The following NOTCH2 variants were observed in gnomAD, a reference collection of about 807,000 sequenced individuals.
NOTCH2 encodes the protein notch receptor 2.
NOTCH2 carries 29 observed loss-of-function variants against 235.8 expected under a neutral mutation model. The ratio of observed to expected loss-of-function variants is 0.12; its 90% CI spans 0.09 to 0.17. The LOEUF (loss-of-function observed/expected upper bound fraction) is 0.17, where lower values mean the gene tolerates loss of function less well. Among genes scored for constraint, NOTCH2 ranks in the 10% least tolerant of loss-of-function variants. NOTCH2 has a pLI of 1.00. For synonymous variants in NOTCH2, 1,086 were observed against 1,141.5 expected (o/e 0.95, Z 0.98); for missense variants, 2,285 against 3,150.2 (o/e 0.73, Z 6.57).
intron 1 of NOTCH2, among the ~76,000 whole-genome samples, chr1:120,031,200 TG>T (rs1427331642): frequency 1.4e-5 from 2 of 140,386 alleles, no homozygotes; most frequent in Non-Finnish European, 3.1e-5. Flanking sequence ...AGGTGCAAGC[TG>T]GATGTCAGAA....
At chr1:119,940,812 T>C in intron 18 of NOTCH2, 56 bp from the exon 19 acceptor site, 2 of 1,445,280 alleles carry the variant, frequency 1.4e-6, no homozygotes, top group South Asian at 2.3e-5. Context: ...GACTTACTAC[T>C]ACAAAGTAAG....
Position 119,940,631 on chromosome 1 carries a change from T to C in NOTCH2, c.3107A>G (p.Asn1036Ser). Residue 1036 changes from asparagine (N) to serine (S), a missense_variant, in exon 19 of 34, where the codon AAT becomes AGT. Around this residue, in one of 6 missense-constraint regions of NOTCH2, gnomAD observed 1,173 missense variants for 1,515.3 expected, o/e 0.77. Transcript: ENST00000256646. Reference sequence around the variant, plus strand: ...CAGGCCATCAACACACGTTCCCTCATTCAGGCATGGATGAGAGCTGCATTC... The same window carrying C: ...CAGGCCATCAACACACGTTCCCTCACTCAGGCATGGATGAGAGCTGCATTC... ...INECSSHPCL[N>S]EGTCVDGLGT... 2 of 1,614,086 alleles carry C rather than the reference T, an allele frequency of 1.2e-6. No individual in the cohort carries two copies. Among genetic ancestry groups the C allele is most frequent in the Admixed American group, 1.7e-5 (1 of 60,020 alleles).
At chr1:119,930,361 G>T (rs1413364715) in intron 22 of NOTCH2, among the ~76,000 whole-genome samples, 1 of 149,754 alleles carries the variant, frequency 6.7e-6, no homozygotes, top group African/African-American at 2.5e-5. Flanking sequence ...TTTAAAACAG[G>T]ACTAATTTAT....
chr1:119,963,180 T>TAGGAAGGAAGGAAGGAAGGA (rs71074447), intron 11 of NOTCH2, among the ~76,000 whole-genome samples: 7,549 of 144,678 alleles, frequency 0.052, 318 homozygotes, highest in Non-Finnish European at 0.079. Context: ...GGAAGGTAGG[T>TAGGAAGGAAGGAAGGAAGGA]AGGAAGGAAG....
chr1:119,975,693 A>G (rs1371432745), intron 5 of NOTCH2, among the ~76,000 whole-genome samples: 2 of 152,050 alleles, frequency 1.3e-5, no homozygotes, highest in African/African-American at 2.4e-5. Flanking sequence ...GGCAGTAAAT[A>G]TAACAGGGTG....
intron 27 of NOTCH2, 32 bp downstream of exon 27, chr1:119,922,603 GC>G (rs767051774): frequency 6.2e-7 from 1 of 1,612,960 alleles, no homozygotes; most frequent in East Asian, 2.2e-5. Flanking sequence ...CTCTTCCCCC[GC>G]CACCTTTCCC....
chr1:119,968,833 A>G (rs1199716260), intron 6 of NOTCH2, among the ~76,000 whole-genome samples: 1 of 152,188 alleles, frequency 6.6e-6, no homozygotes, highest in Non-Finnish European at 1.5e-5. Context: ...CCAGTCTGCA[A>G]TTAACTTAAG....
rs139247677 is a variant in NOTCH2 at position 119,997,265 on chromosome 1, A to T, written c.483T>A (p.Thr161=). The change falls in exon 4 of 34, where the codon ACT becomes ACA. Residue 161 remains threonine (T), a synonymous_variant. Transcript: ENST00000256646. ...ATTTGCAGGAGAACTGGTTGGCCAC[A>T]GTGGTACAGGTACTTCCATTTGCAC... ...HPCANGSTCT[T]VANQFSCKCL... is the part of the protein sequence containing the mutation. The T allele has an allele frequency of 6.2e-7, 1 of 1,613,888 alleles. No homozygotes were observed. The highest frequency in any genetic ancestry group is 1.3e-5 in the African/African-American group (1 of 74,932).
chr1:119,911,879 T>A lies in NOTCH2; in HGVS notation c.*3427A>T. The stretch of plus-strand genomic sequence containing the variant: ...ATGTTTCCTATTTGACAGATGCTTT[T>A]TCCCCAGGATCATTTATTTATGATC... On this transcript the variant is annotated 3_prime_UTR_variant, in exon 34 of 34. Transcript: ENST00000256646. 1 of 233,260 alleles carries A rather than the reference T, an allele frequency of 4.3e-6. No individual in the cohort carries two copies. The highest frequency in any genetic ancestry group is 6.0e-5 in the East Asian group (1 of 16,566). 14.4% of individuals were successfully genotyped at this position (233,260 alleles called of 1,614,324 possible).
At chr1:120,065,648 T>C (rs587628128) in intron 1 of NOTCH2, among the ~76,000 whole-genome samples, 2 of 152,224 alleles carry the variant, frequency 1.3e-5, no homozygotes, top group South Asian at 2.1e-4. Context: ...ATAACAGACC[T>C]GGAGAAGAAT....
chr1:119,958,481 A>G (rs1030816067), intron 12 of NOTCH2, among the ~76,000 whole-genome samples: 1 of 152,250 alleles, frequency 6.6e-6, no homozygotes, highest in African/African-American at 2.4e-5. Context: ...TGTTTCTCAC[A>G]TTCGAGTACA....
In NOTCH2 at chr1:119,926,468, C is replaced by A. The variant is rs777836572; in HGVS notation, c.4005+31G>T. On this transcript the variant is annotated intron_variant, in intron 24 of 33. Transcript: ENST00000256646. ...CACAGATTGTATGGAAGAGACAATG[C>A]CCCTTCTTAGATGAGCAACAGGGCA... 3 of 1,436,336 alleles carry A rather than the reference C, an allele frequency of 2.1e-6. No homozygotes were observed. In the South Asian group the frequency reaches 3.6e-5, roughly 17 times the overall value. The allele number at this position is 1,436,336 out of a possible 1,614,324, so 89.0% of individuals were successfully genotyped here. A position where few individuals can be genotyped will look rare whatever the true frequency, so the allele number is the denominator to read the frequency against.
At chr1:120,029,640 T>G (rs1654015889) in intron 2 of NOTCH2, among the ~76,000 whole-genome samples, 1 of 151,936 alleles carries the variant, frequency 6.6e-6, no homozygotes, top group South Asian at 2.1e-4. Context: ...TGAGCCACCA[T>G]GCCTGGTCTA....
chr1:119,923,721 T>C lies in NOTCH2; in HGVS notation c.4775A>G (p.Tyr1592Cys). The C allele has an allele frequency of 6.2e-7, 1 of 1,614,220 alleles. No individual in the cohort carries two copies. Among genetic ancestry groups the C allele is most frequent in the South Asian group, 1.1e-5 (1 of 91,080 alleles). ...CATAGCAGCTGACTTCTCACCATAATAGGGGTACACCATGAGTTCCCCCTG... is the reference window on the plus strand; with the variant it reads ...CATAGCAGCTGACTTCTCACCATAACAGGGGTACACCATGAGTTCCCCCTG... Reference protein sequence around the residue: ...DSQGELMVYPYYGEKSAAMKK... With the variant: ...DSQGELMVYPCYGEKSAAMKK... Residue 1592 changes from tyrosine to cysteine, a missense_variant, in exon 26 of 34, where the codon TAT becomes TGT. This residue lies in a region of NOTCH2 where 1,173 missense variants were observed against 1,515.3 expected (regional missense o/e 0.77). Coordinates refer to ENST00000256646, the MANE Select transcript of NOTCH2 (RefSeq NM_024408.4).
chr1:119,986,830 G>C, intron 5 of NOTCH2, 130 bp downstream of exon 5: 1 of 1,127,536 alleles, frequency 8.9e-7, no homozygotes. Flanking sequence ...CTAGCATGGA[G>C]ATCCTGCTCA....
At chr1:120,062,948 C>T (rs2799230) in intron 1 of NOTCH2, among the ~76,000 whole-genome samples, 3 of 152,162 alleles carry the variant, frequency 2.0e-5, no homozygotes, top group Non-Finnish European at 4.4e-5. Flanking sequence ...AAGACCACAA[C>T]GTATGTTCTG....
intron 30 of NOTCH2, 116 bp downstream of exon 30, chr1:119,920,113 T>C (rs765812549): frequency 1.8e-6 from 2 of 1,126,654 alleles, no homozygotes; most frequent in Non-Finnish European, 2.6e-6. Flanking sequence ...CGAGCTGATT[T>C]AGAGTCTGTG....
intron 1 of NOTCH2, among the ~76,000 whole-genome samples, chr1:120,030,413 A>C (rs2101331823): frequency 6.7e-6 from 1 of 148,798 alleles, no homozygotes; most frequent in East Asian, 2.0e-4. Flanking sequence ...CCTTCAGGTG[A>C]AGTTTTAAAA....
intron 1 of NOTCH2, among the ~76,000 whole-genome samples, chr1:120,065,654 AG>A (rs1655477993): frequency 1.3e-5 from 2 of 152,156 alleles, no homozygotes. Flanking sequence ...GACCTGGAGA[AG>A]AATTCTGGTC....
Sources: gnomAD v4.1 joint callset for allele counts (sites outside exome capture counted in the v4.1 genomes callset) on GRCh38, gnomAD v4.1.1 for gene constraint, gnomAD v4.1.1 regional missense constraint, MANE v1.5 for transcripts, NCBI Gene and HGNC (gene_info 2026-07-23, HGNC 2026-07-21) for gene names.